Variants in ZNF618 observed in about 807,000 individuals in gnomAD.
ZNF618 encodes zinc finger protein 618, also known as neural precursor cell expressed, developmentally down-regulated 10.
In ZNF618, 34 loss-of-function variants were observed where a neutral mutation model predicts 103.0. The observed-to-expected ratio is 0.33, with a 90% CI of 0.25 to 0.44. The LOEUF (loss-of-function observed/expected upper bound fraction) is 0.44, where lower values mean the gene tolerates loss of function less well. ZNF618 is among the 20% of genes least tolerant of loss of function. The probability of loss-of-function intolerance (pLI) is 1.00; values close to 1 mark genes in which losing one functional copy is unlikely to be tolerated. For synonymous variants in ZNF618, 551 were observed against 542.2 expected, an observed-to-expected ratio of 1.02 and a Z score of -0.23; for missense variants, 1,059 against 1,295.4, an observed-to-expected ratio of 0.82 and a Z score of 2.80.
At chr9:113,962,747 T>G (rs1836973353) in intron 1 of ZNF618, among the ~76,000 whole-genome samples, 1 of 152,210 alleles carries the variant, frequency 6.6e-6, no homozygotes, top group Non-Finnish European at 1.5e-5. Context: ...TTGCAGCCTG[T>G]GGCTCCTCCC....
At chr9:113,953,447 TC>T (rs1221245205) in intron 1 of ZNF618, among the ~76,000 whole-genome samples, 1 of 152,204 alleles carries the variant, frequency 6.6e-6, no homozygotes, top group Admixed American at 6.5e-5. Flanking sequence ...GAGGAAAGTA[TC>T]ATTCAATTTT....
At chr9:113,951,444 T>TATATGTGTGTGTATATATATATATAC (rs1835646468) in intron 1 of ZNF618, among the ~76,000 whole-genome samples, 1 of 2,084 alleles carries the variant, frequency 4.8e-4, no homozygotes, top group African/African-American at 7.2e-4. Context: ...TATATATACA[T>TATATGTGTGTGTATATATATATATAC]ATATGTGTAT....
In ZNF618 at chr9:113,998,424, A is replaced by G. The variant is rs142006443; in HGVS notation, c.433+70A>G. 453 of 1,399,866 alleles carry G rather than the reference A, an allele frequency of 3.2e-4. 8 individuals are homozygous for G. In the East Asian group the frequency reaches 0.011, roughly 34 times the overall value. 86.7% of individuals were successfully genotyped at this position (1,399,866 alleles called of 1,614,324 possible). A position where few individuals can be genotyped will look rare whatever the true frequency, so the allele number is the denominator to read the frequency against. ...GGTGGGGGCACAGCTGGACACAGCC[A>G]TCAGTTACAGACCTGAGTAAGCAGG... On this transcript the variant is annotated intron_variant, in intron 4 of 14. Transcript: ENST00000374126.
chr9:114,008,280 G>A, intron 7 of ZNF618, 64 bp from the exon 8 acceptor site: 1 of 1,604,034 alleles, frequency 6.2e-7, no homozygotes, highest in Non-Finnish European at 8.5e-7. Context: ...GCTCTGGGCA[G>A]GGACTAACAG....
At position 114,007,508 on chromosome 9, in the gene ZNF618, G is replaced by C. The variant is rs567655103; in HGVS notation, c.640+69G>C. 45 of 1,446,426 alleles carry C rather than the reference G, an allele frequency of 3.1e-5. No homozygotes were observed. The African/African-American group carries it at 5.9e-4, about 19-fold the overall frequency. The allele number at this position is 1,446,426 out of a possible 1,614,324, so 89.6% of individuals were successfully genotyped here. ...CCTTCCTTGGAGACACCAGCCCCCAGCCCTCCCCGCCTCCCTCCTCCCTCT... is the reference window on the plus strand; with the variant it reads ...CCTTCCTTGGAGACACCAGCCCCCACCCCTCCCCGCCTCCCTCCTCCCTCT... On this transcript the variant is annotated intron_variant, in intron 7 of 14. Coordinates refer to ENST00000374126, the MANE Select transcript of ZNF618 (RefSeq NM_001318042.2).
intron 2 of ZNF618, among the ~76,000 whole-genome samples, chr9:113,973,649 A>G (rs1194833184): frequency 6.6e-6 from 1 of 152,190 alleles, no homozygotes; most frequent in African/African-American, 2.4e-5. Flanking sequence ...GCCAAACCCC[A>G]CTTATTCTAA....
intron 7 of ZNF618, among the ~76,000 whole-genome samples, chr9:114,007,915 C>T (rs1217971843): frequency 1.3e-5 from 2 of 152,228 alleles, no homozygotes; most frequent in African/African-American, 2.4e-5. Flanking sequence ...CGTCTAGCCC[C>T]ACACCTTCAG....
rs182775996 is a variant in ZNF618, at chr9:114,050,971, C to T, written c.*804C>T. 7 of 152,742 alleles carry T rather than the reference C, an allele frequency of 4.6e-5. No homozygotes were observed. The highest frequency in any genetic ancestry group is 4.6e-4 in the Admixed American group (7 of 15,290). The allele number at this position is 152,742 out of a possible 1,614,324, so 9.5% of individuals were successfully genotyped here. ...GAAAGGAGACTTAAAGAGTATAAAG[C>T]TGACATTTTGCTTTTTAATATAAGA... is the stretch of plus-strand genomic sequence containing the variant. On this transcript the variant is annotated 3_prime_UTR_variant, in exon 15 of 15. Transcript: ENST00000374126.
In ZNF618 at chr9:113,985,833, G is replaced by A. The variant is rs147836304; in HGVS notation, c.78-2488G>A. On this transcript the variant is annotated intron_variant, in intron 2 of 14. Transcript: ENST00000374126. The stretch of plus-strand genomic sequence containing the variant: ...CACAGTTCCTAGACTGTAAAGTGGA[G>A]CTAATACCAAGATTTCGTTCCTAGA... Among the ~76,000 whole-genome samples the A allele has an allele frequency of 1.3e-3, 197 of 152,346 alleles. 2 individuals are homozygous for A. Among genetic ancestry groups the A allele is most frequent in the South Asian group, 5.8e-3 (28 of 4,826 alleles).
intron 13 of ZNF618, among the ~76,000 whole-genome samples, chr9:114,041,139 G>C (rs1296757941): frequency 1.3e-5 from 2 of 152,190 alleles, no homozygotes; most frequent in African/African-American, 2.4e-5. Flanking sequence ...CTTTTGAGAA[G>C]TGTCTGTTCA....
chr9:113,937,308 C>T (rs1001107608), intron 1 of ZNF618, among the ~76,000 whole-genome samples: 1 of 152,116 alleles, frequency 6.6e-6, no homozygotes, highest in South Asian at 2.1e-4. Flanking sequence ...CCATTTGAGA[C>T]AGAAGTGAAG....
At chr9:113,938,952 C>T (rs1422857462) in intron 1 of ZNF618, among the ~76,000 whole-genome samples, 4 of 151,630 alleles carry the variant, frequency 2.6e-5, no homozygotes, top group African/African-American at 9.7e-5. Context: ...TATCTGGTTA[C>T]TTTGCCAAAT....
intron 2 of ZNF618, among the ~76,000 whole-genome samples, chr9:113,978,232 T>C (rs1838662244): frequency 6.6e-6 from 1 of 152,240 alleles, no homozygotes; most frequent in African/African-American, 2.4e-5. Flanking sequence ...GTACCAGGCA[T>C]GGGCCTCGCT....
At chr9:114,036,745 G>A (rs1045401689) in intron 13 of ZNF618, among the ~76,000 whole-genome samples, 47 of 152,352 alleles carry the variant, frequency 3.1e-4, no homozygotes, top group African/African-American at 9.6e-4. Context: ...GGTGAGCAGA[G>A]ACAGAAGGTG....
intron 1 of ZNF618, among the ~76,000 whole-genome samples, chr9:113,942,008 A>G (rs1834595880): frequency 6.6e-6 from 1 of 152,154 alleles, no homozygotes; most frequent in Non-Finnish European, 1.5e-5. Flanking sequence ...CCTACCACAT[A>G]GTGCTGTTGG....
intron 1 of ZNF618, among the ~76,000 whole-genome samples, chr9:113,927,540 G>A (rs1313362053): frequency 1.3e-5 from 2 of 152,240 alleles, no homozygotes; most frequent in African/African-American, 4.8e-5. Context: ...CTGTGCCCCT[G>A]TGTCGTGACC....
rs79866457 is a variant in ZNF618 at position 113,991,240 on chromosome 9, C to T, written c.337+2660C>T. Reference sequence around the variant, plus strand: ...TGAGCTGCTGCTCAGCAGCAGGGTCCTTGGCCTCACTGTACCTTAGTGTCC... The same window carrying T: ...TGAGCTGCTGCTCAGCAGCAGGGTCTTTGGCCTCACTGTACCTTAGTGTCC... On this transcript the variant is annotated intron_variant, in intron 3 of 14. Coordinates refer to ENST00000374126, the MANE Select transcript of ZNF618 (RefSeq NM_001318042.2). 6.7e-3 allele frequency among the ~76,000 whole-genome samples: 1,018 copies of T among 152,362 alleles called. 16 individuals are homozygous for T. Among genetic ancestry groups the T allele is most frequent in the African/African-American group, 0.023 (938 of 41,598 alleles).
intron 1 of ZNF618, among the ~76,000 whole-genome samples, chr9:113,885,291 A>G (rs149644525): frequency 1.5e-4 from 23 of 152,362 alleles, no homozygotes; most frequent in African/African-American, 4.6e-4. Flanking sequence ...TAATTTCTGC[A>G]TCTGAGAAAT....
intron 2 of ZNF618, among the ~76,000 whole-genome samples, chr9:113,969,707 T>G (rs967145492): frequency 6.6e-6 from 1 of 152,124 alleles, no homozygotes; most frequent in Non-Finnish European, 1.5e-5. Context: ...AAGGGAGAGA[T>G]ATCAGACAGG....
Sources: gnomAD v4.1 joint callset for allele counts (sites outside exome capture counted in the v4.1 genomes callset) on GRCh38, gnomAD v4.1.1 for gene constraint, MANE v1.5 for transcripts, NCBI Gene and HGNC (gene_info 2026-07-23, HGNC 2026-07-21) for gene names.